Variants in SNX24 observed in about 807,000 individuals in gnomAD.
SNX24 encodes the protein sorting nexin-24.
Under a neutral mutation model 28.7 loss-of-function variants are expected in SNX24, and 22 were observed. That is an observed-to-expected ratio of 0.77 (90% confidence interval 0.55 to 1.10). The LOEUF (loss-of-function observed/expected upper bound fraction) is 1.10, where lower values mean the gene tolerates loss of function less well. Ranked by LOEUF, SNX24 falls within the 50% of genes least tolerant of loss-of-function variation. The pLI, the probability that SNX24 is intolerant of heterozygous loss-of-function variation, is 0.00. For synonymous variants in SNX24, 69 were observed against 71.5 expected (o/e 0.96, Z 0.18); for missense variants, 221 against 201.1 (o/e 1.10, Z -0.60).
chr5:122,854,515 CAAAAA>C (rs55693230), intron 1 of SNX24, among the ~76,000 whole-genome samples: 3 of 121,442 alleles, frequency 2.5e-5, no homozygotes, highest in African/African-American at 9.8e-5. Flanking sequence ...CTCAAAAAAA[CAAAAA>C]AAAAAAACAA....
chr5:122,973,612 C>G (rs1309980415), intron 3 of SNX24, among the ~76,000 whole-genome samples: 1 of 152,204 alleles, frequency 6.6e-6, no homozygotes, highest in African/African-American at 2.4e-5. Flanking sequence ...AGGACCTGCT[C>G]AAGCCTGATT....
chr5:122,982,592 A>T (rs758668931), intron 3 of SNX24, among the ~76,000 whole-genome samples: 10 of 152,246 alleles, frequency 6.6e-5, no homozygotes, highest in Non-Finnish European at 1.2e-4. Flanking sequence ...GCTGCCCAGC[A>T]CAGAACAAGT....
At chr5:122,993,624 T>C (rs553641826) in intron 3 of SNX24, among the ~76,000 whole-genome samples, 30 of 152,276 alleles carry the variant, frequency 2.0e-4, no homozygotes, top group African/African-American at 7.0e-4. Context: ...TTAAAAGTGT[T>C]CCTTTGCTAA....
chr5:122,991,296 T>C (rs1581841518), intron 3 of SNX24, among the ~76,000 whole-genome samples: 1 of 152,332 alleles, frequency 6.6e-6, no homozygotes, highest in East Asian at 1.9e-4. Flanking sequence ...TGAAGTGCAT[T>C]TTTATTCAAT....
Position 123,001,975 on chromosome 5 carries a change from G to A in SNX24, c.413G>A (p.Arg138Lys). 1 of 1,614,150 alleles carries A rather than the reference G, an allele frequency of 6.2e-7. No homozygotes were observed. The highest frequency in any genetic ancestry group is 8.5e-7 in the Non-Finnish European group (1 of 1,180,016). Reference sequence around the variant, plus strand: ...CACCAGCCTGTGCTGCTGTTCCTCAGGGATCCATATGTCTTGCCTGCAGCC... The same window carrying A: ...CACCAGCCTGTGCTGCTGTTCCTCAAGGATCCATATGTCTTGCCTGCAGCC... ...LSHQPVLLFL[R>K]DPYVLPAASD... The change falls in exon 6 of 7, where the codon AGG (arginine) becomes AAG (lysine). Residue 138 changes from arginine (R) to lysine (K), a missense_variant. Coordinates refer to ENST00000261369, the MANE Select transcript of SNX24 (RefSeq NM_014035.4).
chr5:123,024,750 C>A (rs1263816851), intron 5 of SNX24, among the ~76,000 whole-genome samples: 1 of 152,138 alleles, frequency 6.6e-6, no homozygotes, highest in Non-Finnish European at 1.5e-5. Flanking sequence ...CTGCAGCGAG[C>A]AAGACTGGTT....
chr5:122,853,817 A>G, intron 1 of SNX24: 1 of 226,336 alleles, frequency 4.4e-6, no homozygotes, highest in Middle Eastern at 4.5e-4. Context: ...CAAATAAGTT[A>G]TTTTGTTCTT....
At chr5:122,951,266 CA>C (rs1445925286) in intron 3 of SNX24, among the ~76,000 whole-genome samples, 21 of 48,002 alleles carry the variant, frequency 4.4e-4, no homozygotes, top group Non-Finnish European at 5.1e-4. Flanking sequence ...GACTCTGTCT[CA>C]AAAAAAAAAA....
chr5:122,900,322 G>T (rs999655986), intron 1 of SNX24, among the ~76,000 whole-genome samples: 3 of 152,116 alleles, frequency 2.0e-5, no homozygotes, highest in Non-Finnish European at 4.4e-5. Context: ...TTACAATTTT[G>T]AGAGTGTGTG....
chr5:123,002,065 C>G, intron 6 of SNX24, 61 bp downstream of exon 6: 1 of 1,335,346 alleles, frequency 7.5e-7, no homozygotes, highest in Non-Finnish European at 1.1e-6. Flanking sequence ...CCACATAAAC[C>G]ACGTTTTTAA....
chr5:122,907,701 G>A (rs1009388831), intron 1 of SNX24, among the ~76,000 whole-genome samples: 2 of 151,956 alleles, frequency 1.3e-5, no homozygotes, highest in Non-Finnish European at 2.9e-5. Context: ...GGCTTGATCT[G>A]GTATCTTAGT....
chr5:122,947,321 G>A (rs1205429787), intron 3 of SNX24, among the ~76,000 whole-genome samples: 6 of 152,066 alleles, frequency 3.9e-5, no homozygotes. Flanking sequence ...CACTAGTGAT[G>A]AGAAGATGAG....
intron 2 of SNX24, among the ~76,000 whole-genome samples, chr5:122,942,515 T>C (rs1759500735): frequency 6.6e-6 from 1 of 152,246 alleles, no homozygotes; most frequent in Admixed American, 6.5e-5. Flanking sequence ...TTGGGAAAAG[T>C]ATTTCTGCTT....
rs1001117975 is a variant in SNX24, at chr5:122,985,925, G to A, written c.250-13987G>A. ...TCAGCCCTGCCCTCTTGGAGCTGGA[G>A]TCCAGTGGACAGAAGCCAAGTAAAC... On this transcript the variant is annotated intron_variant, in intron 3 of 6. Transcript: ENST00000261369. Among the ~76,000 whole-genome samples, 3 of 152,344 alleles carry A rather than the reference G, an allele frequency of 2.0e-5. No individual in the cohort carries two copies. The Middle Eastern group carries it at 0.01, about 518-fold the overall frequency.
intron 1 of SNX24, among the ~76,000 whole-genome samples, chr5:122,882,665 AT>A (rs995580008): frequency 5.3e-5 from 8 of 152,216 alleles, no homozygotes; most frequent in Admixed American, 2.0e-4. Flanking sequence ...ATGGGAAAAA[AT>A]ATAGAGATAA....
At chr5:122,989,281 G>A (rs1467820308) in intron 3 of SNX24, among the ~76,000 whole-genome samples, 1 of 152,170 alleles carries the variant, frequency 6.6e-6, no homozygotes, top group African/African-American at 2.4e-5. Flanking sequence ...AAGATTATCA[G>A]GGATTGCATT....
At chr5:122,958,720 T>TA (rs750814182) in intron 3 of SNX24, among the ~76,000 whole-genome samples, 7 of 60,264 alleles carry the variant, frequency 1.2e-4, no homozygotes, top group African/African-American at 8.4e-4. Flanking sequence ...TTTTAATTTT[T>TA]AAATTTTTTT....
chr5:123,007,812 C>T lies in SNX24; in HGVS notation c.*63C>T. ...GAAGTCACAGTCAAGGAAATCAATA[C>T]CTACCAATTTAACCTAAACGCTATG... On this transcript the variant is annotated 3_prime_UTR_variant, in exon 7 of 7. Coordinates refer to ENST00000261369, the MANE Select transcript of SNX24 (RefSeq NM_014035.4). The T allele has an allele frequency of 1.9e-6, 3 of 1,573,716 alleles. No homozygotes were observed. Among genetic ancestry groups the T allele is most frequent in the South Asian group, 1.2e-5 (1 of 83,592 alleles).
At position 122,964,616 on chromosome 5, in the gene SNX24, A is replaced by G. The variant is rs1760639486; in HGVS notation, c.249+18457A>G. ...ACTATGTATTACATATCCTTGTAAG[A>G]TAAGGTTTTTAAATACTAACTTTTT... is the stretch of plus-strand genomic sequence containing the variant. On this transcript the variant is annotated intron_variant, in intron 3 of 6. Transcript: ENST00000261369. Among the ~76,000 whole-genome samples, 4 of 152,264 alleles carry G rather than the reference A, an allele frequency of 2.6e-5. No homozygotes were observed. In the South Asian group the frequency reaches 8.3e-4, roughly 32 times the overall value.
Sources: gnomAD v4.1 joint callset for allele counts (sites outside exome capture counted in the v4.1 genomes callset) on GRCh38, gnomAD v4.1.1 for gene constraint, MANE v1.5 for transcripts, NCBI Gene and HGNC (gene_info 2026-07-23, HGNC 2026-07-21) for gene names.